The following ZNF777 variants were observed in gnomAD, a reference collection of about 807,000 sequenced individuals.
The protein encoded by ZNF777 is zinc finger protein 777.
Under a neutral mutation model 72.1 loss-of-function variants are expected in ZNF777, and 7 were observed. That is an observed-to-expected ratio of 0.10 (90% CI 0.06 to 0.18). The LOEUF (loss-of-function observed/expected upper bound fraction) is 0.18, where lower values mean the gene tolerates loss of function less well. Among genes scored for constraint, ZNF777 ranks in the 10% least tolerant of loss-of-function variants. The probability of loss-of-function intolerance (pLI) is 1.00; values close to 1 mark genes in which losing one functional copy is unlikely to be tolerated. For synonymous variants in ZNF777, 545 were observed against 483.5 expected (o/e 1.13, Z -1.67); for missense variants, 828 against 1,128.6 (o/e 0.73, Z 3.82).
At chr7:149,459,530 C>T in intron 1 of ZNF777, 2 of 644,576 alleles carry the variant, frequency 3.1e-6, no homozygotes, top group Non-Finnish European at 3.9e-6. Flanking sequence ...CGGGCCGCGT[C>T]CGCTGCCAGG....
chr7:149,456,491 T>C (rs1315341894), intron 1 of ZNF777, among the ~76,000 whole-genome samples: 3 of 152,232 alleles, frequency 2.0e-5, no homozygotes, highest in Admixed American at 6.5e-5. Context: ...ACCTGAGTTG[T>C]TGAAGCACTG....
At chr7:149,449,071 T>A (rs1178767204) in intron 4 of ZNF777, among the ~76,000 whole-genome samples, 1 of 152,230 alleles carries the variant, frequency 6.6e-6, no homozygotes, top group Non-Finnish European at 1.5e-5. Context: ...AGAAGGCGCT[T>A]GGATGGACAG....
At chr7:149,457,720 C>T (rs1270367684) in intron 1 of ZNF777, among the ~76,000 whole-genome samples, 3 of 152,236 alleles carry the variant, frequency 2.0e-5, no homozygotes, top group Admixed American at 6.5e-5. Context: ...GCGAACCAGA[C>T]ATGAGCGCTA....
At position 149,432,389 on chromosome 7, in the gene ZNF777, C is replaced by T; in HGVS notation, c.1883G>A (p.Ser628Asn). 1 of 1,613,338 alleles carries T rather than the reference C, an allele frequency of 6.2e-7. No homozygotes were observed. Among genetic ancestry groups the T allele is most frequent in the Non-Finnish European group, 8.5e-7 (1 of 1,179,932 alleles). Reference protein sequence around the residue: ...KPRPKSPSSGSGGGGPKPYKC... With the variant: ...KPRPKSPSSGNGGGGPKPYKC... ...GTAGGGCTTAGGGCCACCGCCGCCG[C>T]TACCAGAGCTGGGTGACTTGGGACG... Residue 628 changes from serine to asparagine, a missense_variant, in exon 6 of 6, where the codon AGC (serine) becomes AAC (asparagine). Transcript: ENST00000247930.
At chr7:149,456,293 A>C (rs1799832093) in intron 1 of ZNF777, among the ~76,000 whole-genome samples, 1 of 152,092 alleles carries the variant, frequency 6.6e-6, no homozygotes, top group Non-Finnish European at 1.5e-5. Flanking sequence ...CACAACATAC[A>C]TTGCACGGGT....
In ZNF777 at chr7:149,454,774, T is replaced by C. The variant is rs60002421; in HGVS notation, c.846+403A>G. On this transcript the variant is annotated intron_variant, in intron 2 of 5. Coordinates refer to ENST00000247930, the MANE Select transcript of ZNF777 (RefSeq NM_015694.3). ...GTTTTCCTGGCACTAACATGGCTTA[T>C]AAGTGAACTCATAAAAATGTGGAGT... is the stretch of plus-strand genomic sequence containing the variant. Among the ~76,000 whole-genome samples, 233 of 152,372 alleles carry C rather than the reference T, an allele frequency of 1.5e-3. 1 individual carries two copies. The highest frequency in any genetic ancestry group is 5.4e-3 in the African/African-American group (223 of 41,600).
intron 4 of ZNF777, among the ~76,000 whole-genome samples, chr7:149,447,232 C>T (rs949593901): frequency 1.2e-4 from 18 of 152,202 alleles, no homozygotes; most frequent in African/African-American, 4.3e-4. Flanking sequence ...GTTCTCCTCT[C>T]TTCCCCCTCT....
chr7:149,432,966 T>C (rs1208790990), intron 5 of ZNF777, 34 bp from the exon 6 acceptor site: 2 of 1,450,896 alleles, frequency 1.4e-6, no homozygotes, highest in Non-Finnish European at 1.8e-6. Flanking sequence ...AGTCGTTAGC[T>C]GCTGCCTGGC....
At chr7:149,451,832 CAT>C (rs1356898764) in intron 3 of ZNF777, among the ~76,000 whole-genome samples, 1 of 152,152 alleles carries the variant, frequency 6.6e-6, no homozygotes, top group Non-Finnish European at 1.5e-5. Context: ...AAATATTATA[CAT>C]ATATATACAT....
In ZNF777 at chr7:149,461,040, C is replaced by T. The variant is rs1799939612; in HGVS notation, c.-241G>A. On this transcript the variant is annotated 5_prime_UTR_variant, in exon 1 of 6. Transcript: ENST00000247930. ...AAGGGATCTAAGAAACCCGTCACAC[C>T]AGAGAAAGCCCGGAGTTCATGTGAC... 6.6e-6 allele frequency: 1 copy of T among 152,284 alleles called. No individual in the cohort carries two copies. Among genetic ancestry groups the T allele is most frequent in the Admixed American group, 6.5e-5 (1 of 15,284 alleles). The allele number at this position is 152,284 out of a possible 1,614,324, so 9.4% of individuals were successfully genotyped here. A position where few individuals can be genotyped will look rare whatever the true frequency, so the allele number is the denominator to read the frequency against.
Position 149,455,739 on chromosome 7 carries a change from C to A in ZNF777, c.284G>T (p.Gly95Val). The change falls in exon 2 of 6, where the codon GGC becomes GTC. Residue 95 changes from glycine (G) to valine (V), a missense_variant. This residue lies in a region of ZNF777 where 222 missense variants were observed against 211.2 expected (regional missense o/e 1.05). Transcript: ENST00000247930. The surrounding 1 kb of genome is among the most constrained non-coding windows in gnomAD (Gnocchi z 4.2). Reference sequence around the variant, plus strand: ...GGTCCCTTCCTGGGAAGCCAGGGGGCCCTGGAGAGAAGTCTCTTGCTCAGA... The same window carrying A: ...GGTCCCTTCCTGGGAAGCCAGGGGGACCTGGAGAGAAGTCTCTTGCTCAGA... ...AASEQETSLQ[G>V]PLASQEGTQY... The A allele has an allele frequency of 1.3e-6, 2 of 1,586,742 alleles. No homozygotes were observed. The highest frequency in any genetic ancestry group is 1.1e-5 in the South Asian group (1 of 87,544).
chr7:149,435,039 G>T (rs1799387819), intron 5 of ZNF777, among the ~76,000 whole-genome samples: 1 of 152,154 alleles, frequency 6.6e-6, no homozygotes, highest in Admixed American at 6.5e-5. Context: ...TTTATACGAT[G>T]ATGGTCCCAA....
chr7:149,452,037 G>A lies in ZNF777; in HGVS notation c.974-925C>T, dbSNP rs552265083. On this transcript the variant is annotated intron_variant, in intron 3 of 5. Transcript: ENST00000247930. ...TCCCAGCACTTTGGGAGGCCGAGGC[G>A]GGCGGATCACAAGGTCAGGAGATCG... is the stretch of plus-strand genomic sequence containing the variant. Among the ~76,000 whole-genome samples the A allele has an allele frequency of 3.9e-5, 6 of 152,124 alleles. No individual in the cohort carries two copies. The East Asian group carries it at 5.8e-4, about 15-fold the overall frequency.
chr7:149,451,581 A>G, intron 3 of ZNF777, among the ~76,000 whole-genome samples: 1 of 151,816 alleles, frequency 6.6e-6, no homozygotes, highest in East Asian at 1.9e-4. Flanking sequence ...AATCCCAGCT[A>G]CTCGGGAGGC....
intron 4 of ZNF777, among the ~76,000 whole-genome samples, chr7:149,445,226 G>A (rs918557643): frequency 6.6e-6 from 1 of 152,012 alleles, no homozygotes; most frequent in Non-Finnish European, 1.5e-5. Flanking sequence ...TTTGTGTCAT[G>A]AATGCATTCA....
At chr7:149,434,857 G>A (rs997422445) in intron 5 of ZNF777, among the ~76,000 whole-genome samples, 5 of 152,072 alleles carry the variant, frequency 3.3e-5, no homozygotes, top group African/African-American at 1.2e-4. Context: ...CAAACTGCTG[G>A]GATTATAGGC....
chr7:149,457,233 C>A (rs1764148750), intron 1 of ZNF777, among the ~76,000 whole-genome samples: 1 of 152,220 alleles, frequency 6.6e-6, no homozygotes, highest in South Asian at 2.1e-4. Context: ...AAGCCACGAT[C>A]TTCTGTGAGT....
chr7:149,446,854 T>C (rs561506828), intron 4 of ZNF777, among the ~76,000 whole-genome samples: 1 of 152,312 alleles, frequency 6.6e-6, no homozygotes, highest in Admixed American at 6.5e-5. Flanking sequence ...TACCAACGTT[T>C]GTCTTCCTAA....
At chr7:149,442,109 C>T (rs1227992155) in intron 4 of ZNF777, among the ~76,000 whole-genome samples, 2 of 149,812 alleles carry the variant, frequency 1.3e-5, no homozygotes, top group African/African-American at 4.9e-5. Flanking sequence ...CCCAGCTACT[C>T]GGGAGGCTAA....
Sources: gnomAD v4.1 joint callset for allele counts (sites outside exome capture counted in the v4.1 genomes callset) on GRCh38, gnomAD v4.1.1 for gene constraint, gnomAD v4.1.1 regional missense constraint, Gnocchi (gnomAD v3.1) non-coding constraint, MANE v1.5 for transcripts, NCBI Gene and HGNC (gene_info 2026-07-23, HGNC 2026-07-21) for gene names.